CRTC2: variants seen among roughly 807,000 people sequenced by gnomAD.
CRTC2 encodes CREB regulated transcription coactivator 2.
In CRTC2, 25 loss-of-function variants were observed where a neutral mutation model predicts 70.9. The observed-to-expected ratio is 0.35, with a 90% confidence interval of 0.26 to 0.49. CRTC2 has a LOEUF of 0.49. Among genes scored for constraint, CRTC2 ranks in the 20% least tolerant of loss-of-function variants. The probability of loss-of-function intolerance (pLI) is 0.98; values close to 1 mark genes in which losing one functional copy is unlikely to be tolerated. For missense variants in CRTC2, 737 were observed against 882.6 expected (o/e 0.83, Z 2.09); for synonymous variants, 330 against 364.1 (o/e 0.91, Z 1.07).
rs774143497 is a variant in CRTC2, at chr1:153,951,429, C to T, written c.1235G>A (p.Gly412Asp). Residue 412 changes from glycine to aspartate, a missense_variant, in exon 11 of 14, where the codon GGC (glycine) becomes GAC (aspartate). Transcript: ENST00000368633. ...SSSSTSSPVL[G>D]APSYPASTPG... ...GGTAGAAGCAGGGTAAGAGGGGGCG[C>T]CCAAAACAGGAGATGAAGTGGAGGA... 1 of 1,602,630 alleles carries T rather than the reference C, an allele frequency of 6.2e-7. No individual in the cohort carries two copies. The highest frequency in any genetic ancestry group is 1.1e-5 in the South Asian group (1 of 89,870).
chr1:153,954,459 A>G, intron 3 of CRTC2, 143 bp from the exon 4 acceptor site: 1 of 670,710 alleles, frequency 1.5e-6, no homozygotes, highest in Non-Finnish European at 2.7e-6. Context: ...ATAGGATCAA[A>G]GAATGGAAGA....
Position 153,948,144 on chromosome 1 carries a change from C to A in CRTC2, c.2047G>T (p.Val683Leu). 1 of 1,614,204 alleles carries A rather than the reference C, an allele frequency of 6.2e-7. No homozygotes were observed. The highest frequency in any genetic ancestry group is 8.5e-7 in the Non-Finnish European group (1 of 1,180,030). The change falls in exon 14 of 14, where the codon GTG becomes TTG. Residue 683 changes from valine (V) to leucine (L), a missense_variant. Val to Leu is a conservative substitution (Grantham distance 32, BLOSUM62 1). This residue lies in a region of CRTC2 where 699 missense variants were observed against 823.7 expected (regional missense o/e 0.85). Transcript: ENST00000368633. ...CGGTCACTGCGGAATGACTCCTCCA[C>A]AGCAGGATCAGGCAGCAGGGCACAG... ...DPCALLPDPA[V>L]EESFRSDRLQ
chr1:153,957,265 A>T (rs1297892407), intron 1 of CRTC2, among the ~76,000 whole-genome samples: 1 of 152,100 alleles, frequency 6.6e-6, no homozygotes, highest in Non-Finnish European at 1.5e-5. Context: ...AAATACAACC[A>T]GAGTCACAGT....
At chr1:153,955,566 C>CAAAAAA (rs767615432) in intron 1 of CRTC2, among the ~76,000 whole-genome samples, 1 of 41,896 alleles carries the variant, frequency 2.4e-5, no homozygotes, top group African/African-American at 1.0e-4. Context: ...GACTCTGTCT[C>CAAAAAA]AAAAAAAAAA....
Position 153,953,248 on chromosome 1 carries a change from TG to T in CRTC2, c.607+17del. The T allele has an allele frequency of 7.0e-6, 10 of 1,434,214 alleles. No homozygotes were observed. The highest frequency in any genetic ancestry group is 7.7e-6 in the Non-Finnish European group (8 of 1,045,272). 88.8% of individuals were successfully genotyped at this position (1,434,214 alleles called of 1,614,324 possible). A position where few individuals can be genotyped will look rare whatever the true frequency, so the allele number is the denominator to read the frequency against. ...ATAGCTCCATGGTTACTCCCAACCC[TG>T]GGACAGGGCCACTTACCCCCACGTC... On this transcript the variant is annotated intron_variant, in intron 6 of 13. Transcript: ENST00000368633.
chr1:153,957,822 C>T (rs1004779778), intron 1 of CRTC2, among the ~76,000 whole-genome samples: 1 of 152,172 alleles, frequency 6.6e-6, no homozygotes, highest in Non-Finnish European at 1.5e-5. Flanking sequence ...AAGGACGGGA[C>T]GCAGGAGGGG....
Position 153,953,586 on chromosome 1 carries a change from A to C in CRTC2, c.455T>G (p.Phe152Cys), listed in dbSNP as rs777841815. Residue 152 changes from phenylalanine to cysteine, a missense_variant, in exon 5 of 14, where the codon TTC becomes TGC. This residue lies in a region of CRTC2 where 699 missense variants were observed against 823.7 expected (regional missense o/e 0.85). Coordinates refer to ENST00000368633, the MANE Select transcript of CRTC2 (RefSeq NM_181715.3). ...SWRRTMAWGN[F>C]PAEKGQLFRL... ...AAACAACTGCCCCTTCTCTGCAGGG[A>C]AATTGCCCCAGGCCATCGTCCTGGG... 6.2e-7 allele frequency: 1 copy of C among 1,610,684 alleles called. No homozygotes were observed. The highest frequency in any genetic ancestry group is 8.5e-7 in the Non-Finnish European group (1 of 1,179,228).
At chr1:153,954,232 T>C (rs779741444) in intron 4 of CRTC2, 23 bp downstream of exon 4, 1 of 1,596,228 alleles carries the variant, frequency 6.3e-7, no homozygotes, top group Non-Finnish European at 8.6e-7. Flanking sequence ...AGGCAGGAGC[T>C]TCTGCCCGCC....
intron 11 of CRTC2, among the ~76,000 whole-genome samples, chr1:153,950,320 G>T (rs1163075585): frequency 1.3e-5 from 2 of 152,148 alleles, no homozygotes; most frequent in African/African-American, 4.8e-5. Flanking sequence ...GGCCAGAGGG[G>T]GTGGGAAAAG....
At chr1:153,957,440 T>C (rs536540295) in intron 1 of CRTC2, among the ~76,000 whole-genome samples, 1 of 152,296 alleles carries the variant, frequency 6.6e-6, no homozygotes, top group South Asian at 2.1e-4. Flanking sequence ...TAAGACTGCA[T>C]ACCACCTAGG....
rs1680141548 is a variant in CRTC2, at chr1:153,948,504, C to T, written c.1815G>A (p.Leu605=). Reference sequence around the variant, plus strand: ...CTGAGCCATGGCGGGAACAGTGGGTCAAGTTCTGGTGGTTGAAGGTGTGGG... The same window carrying T: ...CTGAGCCATGGCGGGAACAGTGGGTTAAGTTCTGGTGGTTGAAGGTGTGGG... ...QDPHTFNHQN[L]THCSRHGSGP... Residue 605 remains leucine (L), a synonymous_variant, in exon 13 of 14, where the codon TTG becomes TTA. Transcript: ENST00000368633. 6.2e-7 allele frequency: 1 copy of T among 1,611,248 alleles called. No individual in the cohort carries two copies. The highest frequency in any genetic ancestry group is 8.5e-7 in the Non-Finnish European group (1 of 1,178,536).
Position 153,948,599 on chromosome 1 carries a change from C to A in CRTC2, c.1720G>T (p.Asp574Tyr). The change falls in exon 13 of 14, where the codon GAT (aspartate) becomes TAT (tyrosine). Residue 574 changes from aspartate to tyrosine, a missense_variant. Transcript: ENST00000368633. ...MESPSASLVLDPPGFSEGPGF... is the reference protein window; with the variant it reads ...MESPSASLVLYPPGFSEGPGF... ...GGCCCTTCAGAAAAGCCAGGGGGAT[C>A]CAGCACCAGGCTGGCTGATGGGCTC... The A allele has an allele frequency of 6.2e-7, 1 of 1,602,234 alleles. No individual in the cohort carries two copies. Among genetic ancestry groups the A allele is most frequent in the Non-Finnish European group, 8.5e-7 (1 of 1,175,290 alleles).
chr1:153,957,987 C>T, intron 1 of CRTC2: 1 of 1,103,896 alleles, frequency 9.1e-7, no homozygotes, highest in South Asian at 2.1e-5. Context: ...CCTCCCAGGC[C>T]ATACCCCAAT....
chr1:153,949,837 G>A lies in CRTC2; in HGVS notation c.1405-453C>T, dbSNP rs1445389915. On this transcript the variant is annotated intron_variant, in intron 11 of 13. Coordinates refer to ENST00000368633, the MANE Select transcript of CRTC2 (RefSeq NM_181715.3). The stretch of plus-strand genomic sequence containing the variant: ...TGCACTTCAGCCTGGGCAACAGAGC[G>A]AGACTCCGTCTCCAAAAAAAAAAAA... Among the ~76,000 whole-genome samples, 6 of 147,890 alleles carry A rather than the reference G, an allele frequency of 4.1e-5. No homozygotes were observed. In the South Asian group the frequency reaches 1.3e-3, roughly 32 times the overall value.
intron 6 of CRTC2, 139 bp from the exon 7 acceptor site, chr1:153,952,973 G>C (rs1680436840): frequency 8.5e-6 from 9 of 1,058,514 alleles, no homozygotes; most frequent in Non-Finnish European, 1.0e-5. Context: ...CACGAGGTCA[G>C]GAGTTCAAGA....
intron 2 of CRTC2, 34 bp downstream of exon 2, chr1:153,955,031 A>G: frequency 6.2e-7 from 1 of 1,613,230 alleles, no homozygotes; most frequent in South Asian, 1.1e-5. Context: ...GCAGCCTAAG[A>G]AACTCCACTC....
chr1:153,958,024 G>T, intron 1 of CRTC2: 1 of 1,225,032 alleles, frequency 8.2e-7, no homozygotes, highest in Non-Finnish European at 1.0e-6. Flanking sequence ...TAGCGTCCTC[G>T]AGGGGACTCC....
In CRTC2 at chr1:153,952,379, A is replaced by C; in HGVS notation, c.752+18T>G. 1 of 1,613,812 alleles carries C rather than the reference A, an allele frequency of 6.2e-7. No homozygotes were observed. The highest frequency in any genetic ancestry group is 8.5e-7 in the Non-Finnish European group (1 of 1,179,800). On this transcript the variant is annotated intron_variant, in intron 9 of 13. Transcript: ENST00000368633. ...ACTTCCTTCCCCCACCTCTCAGCCA[A>C]CCTCAGGGAGTACTTACTTAATTCC...
intron 11 of CRTC2, among the ~76,000 whole-genome samples, chr1:153,950,995 T>C (rs948790232): frequency 6.6e-6 from 1 of 152,212 alleles, no homozygotes; most frequent in Non-Finnish European, 1.5e-5. Flanking sequence ...CTGAGGCTTA[T>C]AGAAATTAAA....
Sources: allele counts gnomAD v4.1 joint callset (sites outside exome capture counted in the v4.1 genomes callset), GRCh38; gene constraint gnomAD v4.1.1; regional missense constraint gnomAD v4.1.1; transcripts MANE v1.5; gene names NCBI Gene and HGNC (gene_info 2026-07-23, HGNC 2026-07-21).